The following KAZN variants were observed in gnomAD, a reference collection of about 807,000 sequenced individuals.
The protein encoded by KAZN is kazrin, periplakin interacting protein.
A neutral mutation model predicts 87.4 loss-of-function variants in KAZN; 40 were observed. The ratio of observed to expected loss-of-function variants is 0.46; its 90% CI spans 0.36 to 0.60. The LOEUF is 0.60. Ranked by LOEUF, KAZN falls within the 20% of genes least tolerant of loss-of-function variation. The probability of loss-of-function intolerance (pLI) is 0.00; values close to 1 mark genes in which losing one functional copy is unlikely to be tolerated. For missense variants in KAZN, 898 were observed against 1,073.9 expected (o/e 0.84, Z 2.29); for synonymous variants, 466 against 458.3 (o/e 1.02, Z -0.22).
chr1:14,998,226 G>A (rs1668098083), intron 2 of KAZN, among the ~76,000 whole-genome samples: 1 of 152,168 alleles, frequency 6.6e-6, no homozygotes, highest in Admixed American at 6.5e-5. Flanking sequence ...TGGTTTTGTG[G>A]CTAAAAGATG....
At position 15,047,513 on chromosome 1, in the gene KAZN, G is replaced by A. The variant is rs145865020; in HGVS notation, c.726+3354G>A. Among the ~76,000 whole-genome samples, 550 of 152,318 alleles carry A rather than the reference G, an allele frequency of 3.6e-3. 1 individual carries two copies. The highest frequency in any genetic ancestry group is 0.012 in the African/African-American group (509 of 41,582). ...AGGCCGGGCGTGGTGTCTCGTGCCT[G>A]TAATCTTTTGGCTTTGGGAGGCCAA... On this transcript the variant is annotated intron_variant, in intron 4 of 14. Transcript: ENST00000376030.
At chr1:14,037,530 T>C (rs1641613253) in intron 1 of KAZN, among the ~76,000 whole-genome samples, 2 of 152,156 alleles carry the variant, frequency 1.3e-5, no homozygotes, top group South Asian at 4.1e-4. Context: ...GAACCCTGAG[T>C]CCTGATGTGC....
In KAZN at chr1:13,945,708, T is replaced by TGAGAGAGAGA. The variant is rs1315403538; in HGVS notation, c.91+51953_91+51954insAGAGAGAGAG. Reference sequence around the variant, plus strand: ...GTGTGTGTGTGTGTGTGTGTGTGTGTGTGAGAGAGAGAGAGAGAGAGAGAG... The same window carrying TGAGAGAGAGA: ...GTGTGTGTGTGTGTGTGTGTGTGTGTGAGAGAGAGAGTGAGAGAGAGAGAGAGAGAGAGAG... On this transcript the variant is annotated intron_variant, in intron 1 of 16. Coordinates refer to the KAZN transcript ENST00000636203. 2.1e-4 allele frequency among the ~76,000 whole-genome samples: 28 copies of TGAGAGAGAGA among 134,614 alleles called. No homozygotes were observed. The East Asian group carries it at 4.9e-3, about 23-fold the overall frequency. 88.3% of individuals were successfully genotyped at this position (134,614 alleles called of 152,430 possible).
chr1:14,716,429 C>T (rs974760166), intron 1 of KAZN, among the ~76,000 whole-genome samples: 4 of 152,154 alleles, frequency 2.6e-5, no homozygotes, highest in African/African-American at 9.7e-5. Context: ...AGCAGATTTT[C>T]TTCCCCTTTC....
intron 1 of KAZN, among the ~76,000 whole-genome samples, chr1:14,639,686 C>T (rs1572109418): frequency 6.6e-6 from 1 of 152,246 alleles, no homozygotes; most frequent in South Asian, 2.1e-4. Flanking sequence ...TGTTTCTCCT[C>T]CCCTAATTCC....
intron 4 of KAZN, among the ~76,000 whole-genome samples, chr1:15,053,947 G>A (rs541700586): frequency 6.6e-6 from 1 of 152,208 alleles, no homozygotes; most frequent in Non-Finnish European, 1.5e-5. Context: ...TGTCCGAGCT[G>A]GAAGGAGCCC....
chr1:14,718,979 T>C (rs1642952498), intron 1 of KAZN, among the ~76,000 whole-genome samples: 1 of 152,140 alleles, frequency 6.6e-6, no homozygotes, highest in Non-Finnish European at 1.5e-5. Flanking sequence ...CAGTCTGAGT[T>C]GAGGGCTGGG....
intron 1 of KAZN, among the ~76,000 whole-genome samples, chr1:13,943,451 AAT>A (rs550695169): frequency 6.6e-6 from 1 of 152,036 alleles, no homozygotes; most frequent in Non-Finnish European, 1.5e-5. Flanking sequence ...TGTTAAAAAA[AAT>A]TTTTTAAAAA....
chr1:14,169,921 C>T (rs1251023831), intron 1 of KAZN, among the ~76,000 whole-genome samples: 2 of 152,180 alleles, frequency 1.3e-5, no homozygotes, highest in African/African-American at 4.8e-5. Context: ...GGTTCAAACT[C>T]AGGAAATCTG....
At chr1:14,144,741 A>G (rs1011425664) in intron 1 of KAZN, among the ~76,000 whole-genome samples, 1 of 152,206 alleles carries the variant, frequency 6.6e-6, no homozygotes, top group African/African-American at 2.4e-5. Flanking sequence ...TTTAACTCAC[A>G]GTAGAAAGTG....
chr1:14,078,883 C>T (rs1570685902), intron 1 of KAZN, among the ~76,000 whole-genome samples: 1 of 152,160 alleles, frequency 6.6e-6, no homozygotes, highest in East Asian at 1.9e-4. Flanking sequence ...CGGGATTTCA[C>T]CATGTTGAAC....
At chr1:13,922,417 T>G (rs944554835) in intron 1 of KAZN, among the ~76,000 whole-genome samples, 1 of 152,184 alleles carries the variant, frequency 6.6e-6, no homozygotes, top group Admixed American at 6.5e-5. Flanking sequence ...AGAAGGTTAT[T>G]TCTGTTTCCT....
chr1:14,025,276 T>C (rs1450170055), intron 1 of KAZN, among the ~76,000 whole-genome samples: 1 of 152,250 alleles, frequency 6.6e-6, no homozygotes, highest in Non-Finnish European at 1.5e-5. Flanking sequence ...AGTGCCAAGA[T>C]GAGCTACAAT....
In KAZN at chr1:15,080,103, G is replaced by A. The variant is rs187277985; in HGVS notation, c.1223-14077G>A. On this transcript the variant is annotated intron_variant, in intron 8 of 14. Coordinates refer to ENST00000376030, the MANE Select transcript of KAZN (RefSeq NM_201628.3). ...CCTGGCCCTTTGGAAAATTTTCAGA[G>A]TGTGGCAGGAGGGACTGAAGGAGGA... Among the ~76,000 whole-genome samples, 21 of 152,248 alleles carry A rather than the reference G, an allele frequency of 1.4e-4. 1 individual carries two copies. Among genetic ancestry groups the A allele is most frequent in the African/African-American group, 5.1e-4 (21 of 41,548 alleles).
intron 2 of KAZN, among the ~76,000 whole-genome samples, chr1:14,388,801 T>C (rs1282563278): frequency 6.6e-6 from 1 of 152,190 alleles, no homozygotes; most frequent in Non-Finnish European, 1.5e-5. Context: ...AAAGATTTCT[T>C]GAGTAATATC....
At chr1:15,055,860 A>G (rs991573569) in intron 4 of KAZN, among the ~76,000 whole-genome samples, 3 of 151,964 alleles carry the variant, frequency 2.0e-5, no homozygotes, top group Non-Finnish European at 4.4e-5. Context: ...CAGGCTCCAC[A>G]CCTCTCCGTG....
intron 2 of KAZN, among the ~76,000 whole-genome samples, chr1:14,419,949 T>C (rs907175041): frequency 1.1e-4 from 16 of 152,040 alleles, no homozygotes; most frequent in Admixed American, 9.2e-4. Context: ...TTCCACAAGG[T>C]GGAAGGGAAC....
At position 15,101,564 on chromosome 1, in the gene KAZN, G is replaced by A. The variant is rs1196122725; in HGVS notation, c.1569G>A (p.Leu523=). The part of the protein sequence containing the change: ...AGRSLSKAAE[L]DHHWVAKAWL... ...CCAGCCTGTCCAAAGCTGCCGAGCT[G>A]GACCATCACTGGGTGGCCAAGGCCT... Residue 523 remains leucine (L), a synonymous_variant, in exon 11 of 15, where the codon CTG becomes CTA. Coordinates refer to ENST00000376030, the MANE Select transcript of KAZN (RefSeq NM_201628.3). 6.4e-7 allele frequency: 1 copy of A among 1,552,288 alleles called. No homozygotes were observed. Among genetic ancestry groups the A allele is most frequent in the Non-Finnish European group, 8.7e-7 (1 of 1,147,362 alleles).
chr1:14,135,009 A>G (rs767546929), intron 1 of KAZN, among the ~76,000 whole-genome samples: 16 of 55,624 alleles, frequency 2.9e-4, no homozygotes, highest in Admixed American at 5.1e-4. Context: ...ACACATGTGC[A>G]CACATGCACA....
Sources: allele counts gnomAD v4.1 joint callset (sites outside exome capture counted in the v4.1 genomes callset), GRCh38; gene constraint gnomAD v4.1.1; transcripts MANE v1.5; gene names NCBI Gene and HGNC (gene_info 2026-07-23, HGNC 2026-07-21).